The following TECTB variants were observed in gnomAD, a reference collection of about 807,000 sequenced individuals.
The protein encoded by TECTB is tectorin beta.
A neutral mutation model predicts 43.3 loss-of-function variants in TECTB; 45 were observed. The ratio of observed to expected loss-of-function variants is 1.04; its 90% CI spans 0.82 to 1.33. The LOEUF (loss-of-function observed/expected upper bound fraction) is 1.33. Ranked by LOEUF, TECTB falls within the 40% of genes most tolerant of loss-of-function variation. The probability of loss-of-function intolerance (pLI) is 0.00; values close to 1 mark genes in which losing one functional copy is unlikely to be tolerated. For synonymous variants in TECTB, 169 were observed against 156.7 expected, an observed-to-expected ratio of 1.08 and a Z score of -0.59; for missense variants, 399 against 404.7, an observed-to-expected ratio of 0.99 and a Z score of 0.12.
intron 5 of TECTB, among the ~76,000 whole-genome samples, chr10:112,288,653 G>T (rs1465298422): frequency 2.0e-5 from 3 of 152,014 alleles, no homozygotes; most frequent in Admixed American, 1.3e-4. Flanking sequence ...AGCAACAACT[G>T]CTCCCTGCAT....
chr10:112,297,387 T>A (rs1280064897), intron 7 of TECTB, among the ~76,000 whole-genome samples: 1 of 152,186 alleles, frequency 6.6e-6, no homozygotes, highest in Non-Finnish European at 1.5e-5. Flanking sequence ...TGGAATATCA[T>A]ACAAATATTG....
rs546308419 is a variant in TECTB at position 112,293,814 on chromosome 10, G to A, written c.560G>A (p.Gly187Glu). 12 of 1,614,170 alleles carry A rather than the reference G, an allele frequency of 7.4e-6. No individual in the cohort carries two copies. The South Asian group carries it at 1.3e-4, about 18-fold the overall frequency. Reference protein sequence around the residue: ...ASEIGSDLFAGVEAKGLSIRF... With the variant: ...ASEIGSDLFAEVEAKGLSIRF... The stretch of plus-strand genomic sequence containing the variant: ...GAAATCGGTTCAGATCTGTTTGCAG[G>A]AGTGGAAGCCAAAGGGTTAAGCATT... Residue 187 changes from glycine (G) to glutamate (E), a missense_variant, in exon 6 of 11, where the codon GGA (glycine) becomes GAA (glutamate). Gly to Glu is a moderately conservative substitution (Grantham distance 98, BLOSUM62 -2). Transcript: ENST00000646139.
chr10:112,303,470 T>C lies in TECTB; in HGVS notation c.*158T>C. 1.2e-6 allele frequency: 1 copy of C among 864,096 alleles called. No homozygotes were observed. The highest frequency in any genetic ancestry group is 1.8e-6 in the Non-Finnish European group (1 of 550,126). The allele number at this position is 864,096 out of a possible 1,614,324, so 53.5% of individuals were successfully genotyped here. On this transcript the variant is annotated 3_prime_UTR_variant, in exon 11 of 11. Coordinates refer to ENST00000646139, the MANE Select transcript of TECTB (RefSeq NM_058222.3). ...TATGCACTCCAATAATTTCTGTGAA[T>C]TTGGTGATGCCTTTTTCTTTCTAAG...
At chr10:112,286,726 C>G (rs1033906195) in intron 5 of TECTB, among the ~76,000 whole-genome samples, 1 of 152,020 alleles carries the variant, frequency 6.6e-6, no homozygotes, top group East Asian at 1.9e-4. Context: ...TTGAGACCAG[C>G]CTAGCTAACA....
intron 5 of TECTB, 112 bp from the exon 6 acceptor site, chr10:112,293,626 T>G (rs1268564793): frequency 2.3e-6 from 2 of 886,448 alleles, no homozygotes; most frequent in East Asian, 2.5e-5. Context: ...CTCACCTGCT[T>G]ATGTCTTTGG....
chr10:112,283,594 G>C (rs1848430115), intron 1 of TECTB, 54 bp from the exon 2 acceptor site: 1 of 715,136 alleles, frequency 1.4e-6, no homozygotes. Context: ...AAGACTGTAT[G>C]TGCGGCTTTG....
intron 5 of TECTB, among the ~76,000 whole-genome samples, chr10:112,292,762 C>T (rs1848509692): frequency 6.6e-6 from 1 of 152,066 alleles, no homozygotes; most frequent in Admixed American, 6.6e-5. Context: ...TCTTCTTGAT[C>T]AGCCCCCACA....
intron 9 of TECTB, 77 bp from the exon 10 acceptor site, chr10:112,302,024 T>C: frequency 1.3e-6 from 2 of 1,566,192 alleles, no homozygotes; most frequent in South Asian, 1.1e-5. Flanking sequence ...TTTTGTGTTG[T>C]AGAAACATCA....
At chr10:112,301,656 C>T (rs567597149) in intron 9 of TECTB, among the ~76,000 whole-genome samples, 2 of 152,218 alleles carry the variant, frequency 1.3e-5, no homozygotes, top group Admixed American at 6.5e-5. Flanking sequence ...ACTTTGTAAA[C>T]CCCCAGTATA....
chr10:112,294,456 T>C (rs776519201), intron 7 of TECTB, among the ~76,000 whole-genome samples: 1 of 152,074 alleles, frequency 6.6e-6, no homozygotes. Context: ...CAAATCCAAT[T>C]AGTCTGACAA....
chr10:112,299,360 T>C (rs2133356943), intron 8 of TECTB, 132 bp from the exon 9 acceptor site: 1 of 772,204 alleles, frequency 1.3e-6, no homozygotes, highest in East Asian at 2.7e-5. Flanking sequence ...CTCATCTCTG[T>C]TGACTGGGGA....
In TECTB at chr10:112,295,106, T is replaced by A. The variant is rs1170431588; in HGVS notation, c.671+1045T>A. Among the ~76,000 whole-genome samples the A allele has an allele frequency of 3.9e-5, 6 of 152,224 alleles. No homozygotes were observed. The South Asian group carries it at 1.2e-3, about 32-fold the overall frequency. ...GAGAGACAGGGCTAGACAAGAGATG[T>A]GGACATCATACACATAATTAGCAGT... On this transcript the variant is annotated intron_variant, in intron 7 of 10. Coordinates refer to ENST00000646139, the MANE Select transcript of TECTB (RefSeq NM_058222.3).
intron 7 of TECTB, 106 bp from the exon 8 acceptor site, chr10:112,297,963 T>C: frequency 6.8e-7 from 1 of 1,481,378 alleles, no homozygotes; most frequent in Non-Finnish European, 9.3e-7. Context: ...CTGGGAAGGT[T>C]AGAGGTCATA....
intron 7 of TECTB, among the ~76,000 whole-genome samples, chr10:112,296,022 G>C (rs374118494): frequency 1.3e-5 from 2 of 152,106 alleles, no homozygotes; most frequent in South Asian, 2.1e-4. Flanking sequence ...AAGACATCCC[G>C]ACCCATTTCT....
chr10:112,294,741 G>C (rs1848530588), intron 7 of TECTB, among the ~76,000 whole-genome samples: 1 of 152,196 alleles, frequency 6.6e-6, no homozygotes, highest in South Asian at 2.1e-4. Context: ...TATTGTGCAA[G>C]GGTGATAAGA....
chr10:112,300,291 GAAAGAAAGAAAGAAAGAAAGAAAGAA>G (rs1564710642), intron 9 of TECTB, among the ~76,000 whole-genome samples: 1 of 76,662 alleles, frequency 1.3e-5, no homozygotes, highest in Non-Finnish European at 2.6e-5. Flanking sequence ...AAGAAAGAAA[GAAAGAAAGAAAGAAAGAAAGAAAGAA>G]AGAGAAAGAA....
At chr10:112,301,995 G>A in intron 9 of TECTB, 106 bp from the exon 10 acceptor site, 1 of 1,365,250 alleles carries the variant, frequency 7.3e-7, no homozygotes, top group Admixed American at 1.9e-5. Flanking sequence ...ACAAGTGTGA[G>A]CCGCAGCCCC....
Position 112,284,896 on chromosome 10 carries a change from T to C in TECTB, c.267+171T>C, listed in dbSNP as rs193176703. On this transcript the variant is annotated intron_variant, in intron 3 of 10. Transcript: ENST00000646139. Reference sequence around the variant, plus strand: ...GTTGGTGTTATTTAAAATATTCTCTTCTGCCTAGTTTAGATAACTCTTTTG... The same window carrying C: ...GTTGGTGTTATTTAAAATATTCTCTCCTGCCTAGTTTAGATAACTCTTTTG... Among the ~76,000 whole-genome samples the C allele has an allele frequency of 7.9e-4, 120 of 152,366 alleles. 1 individual carries two copies. Among genetic ancestry groups the C allele is most frequent in the African/African-American group, 2.8e-3 (116 of 41,582 alleles).
intron 5 of TECTB, among the ~76,000 whole-genome samples, chr10:112,290,138 A>G (rs1297826175): frequency 6.6e-6 from 1 of 152,196 alleles, no homozygotes; most frequent in East Asian, 1.9e-4. Flanking sequence ...GAAATCTTGC[A>G]CCGCTCACTC....
Sources: gnomAD v4.1 joint callset for allele counts (sites outside exome capture counted in the v4.1 genomes callset) on GRCh38, gnomAD v4.1.1 for gene constraint, MANE v1.5 for transcripts, NCBI Gene and HGNC (gene_info 2026-07-23, HGNC 2026-07-21) for gene names.